The following CPLANE2 variants were observed in gnomAD, a reference collection of about 807,000 sequenced individuals.
The protein encoded by CPLANE2 is ciliogenesis and planar polarity effector 2.
CPLANE2 carries 24 observed loss-of-function variants against 20.9 expected under a neutral mutation model. The ratio of observed to expected loss-of-function variants is 1.15; its 90% CI spans 0.83 to 1.61. The LOEUF (loss-of-function observed/expected upper bound fraction) is 1.61, where lower values mean the gene tolerates loss of function less well. Ranked by LOEUF, CPLANE2 falls within the 40% of genes most tolerant of loss-of-function variation. CPLANE2 has a pLI of 0.00. For missense variants in CPLANE2, 330 were observed against 355.1 expected (o/e 0.93, Z 0.57); for synonymous variants, 132 against 144.3 (o/e 0.92, Z 0.61).
In CPLANE2 at chr1:16,233,773, AAG is replaced by A. The variant is rs1347017541; in HGVS notation, c.113-11_113-10del. The A allele has an allele frequency of 3.7e-6, 6 of 1,613,962 alleles. No homozygotes were observed. Among genetic ancestry groups the A allele is most frequent in the Non-Finnish European group, 4.2e-6 (5 of 1,179,904 alleles). Reference sequence around the variant, plus strand: ...TGGCCGCTCAAGCAGCCCTAGGGCAAAGAGAGAGCCAGGCAGGGTCAAGGGGT... The same window carrying A: ...TGGCCGCTCAAGCAGCCCTAGGGCAAAGAGAGCCAGGCAGGGTCAAGGGGT... On this transcript the variant is annotated splice_polypyrimidine_tract_variant and intron_variant, in intron 1 of 4. Coordinates refer to ENST00000375599, the MANE Select transcript of CPLANE2 (RefSeq NM_030907.4).
At position 16,232,292 on chromosome 1, in the gene CPLANE2, T is replaced by G; in HGVS notation, c.533A>C (p.Asp178Ala). 1 of 1,604,986 alleles carries G rather than the reference T, an allele frequency of 6.2e-7. No homozygotes were observed. Among genetic ancestry groups the G allele is most frequent in the Non-Finnish European group, 8.5e-7 (1 of 1,176,968 alleles). Residue 178 changes from aspartate to alanine, a missense_variant, in exon 5 of 5, where the codon GAC (aspartate) becomes GCC (alanine). Asp to Ala is a moderately radical substitution (Grantham distance 126). Coordinates refer to ENST00000375599, the MANE Select transcript of CPLANE2 (RefSeq NM_030907.4). ...VVRMVIGSKFDQYMHTDVPER... is the reference protein window; with the variant it reads ...VVRMVIGSKFAQYMHTDVPER... ...GGGCACGTCCGTGTGCATGTACTGG[T>G]CAAATCTGGAGGAGGGTCAAGGAGC...
chr1:16,233,570 G>A, intron 2 of CPLANE2, 42 bp downstream of exon 2: 1 of 1,608,806 alleles, frequency 6.2e-7, no homozygotes, highest in Non-Finnish European at 8.5e-7. Flanking sequence ...CACCCCCAAG[G>A]AGGGCCTCCC....
chr1:16,232,447 T>C (rs910393114), intron 4 of CPLANE2, 63 bp downstream of exon 4: 6 of 1,589,638 alleles, frequency 3.8e-6, no homozygotes, highest in Non-Finnish European at 5.1e-6. Context: ...ATTCCATGCC[T>C]GGGCAGAGGC....
In CPLANE2 at chr1:16,232,168, G is replaced by A. The variant is rs771994117; in HGVS notation, c.657C>T (p.Asp219=). 59 of 1,613,080 alleles carry A rather than the reference G, an allele frequency of 3.7e-5. No individual in the cohort carries two copies. Among genetic ancestry groups the A allele is most frequent in the African/African-American group, 6.7e-5 (5 of 74,926 alleles). Residue 219 remains aspartate, a synonymous_variant, in exon 5 of 5, where the codon GAC becomes GAT. Transcript: ENST00000375599. The part of the protein sequence containing the change: ...GRRLADGRTL[D]GRAGLADVAH... ...CAACGTCGGCCAGCCCAGCCCGCCC[G>A]TCCAGTGTGCGCCCATCAGCCAGCC...
Position 16,236,721 on chromosome 1 carries a change from C to G in CPLANE2, c.22G>C (p.Gly8Arg). The change falls in exon 1 of 5, where the codon GGT becomes CGT. Residue 8 changes from glycine to arginine, a missense_variant. Gly to Arg is a moderately radical substitution (Grantham distance 125, BLOSUM62 -2). Coordinates refer to ENST00000375599, the MANE Select transcript of CPLANE2 (RefSeq NM_030907.4). ...TGCCAGTTTGGGACAACCACCGAAC[C>G]GGGCACGGGAGGTCTGGCCATGGCT... MARPPVP[G>R]SVVVPNWHES... 2 of 1,557,546 alleles carry G rather than the reference C, an allele frequency of 1.3e-6. No individual in the cohort carries two copies. The highest frequency in any genetic ancestry group is 1.4e-5 in the African/African-American group (1 of 73,770).
chr1:16,233,695 G>A lies in CPLANE2; in HGVS notation c.182C>T (p.Ser61Phe). 1 of 1,614,164 alleles carries A rather than the reference G, an allele frequency of 6.2e-7. No homozygotes were observed. Among genetic ancestry groups the A allele is most frequent in the African/African-American group, 1.3e-5 (1 of 75,058 alleles). ...IDTASYKIFV[S>F]GKSGVGKTAL... is the part of the protein sequence containing the mutation. ...CGTCTTGCCCACACCACTCTTCCCG[G>A]ACACAAAGATCTTGTAGCTGGCAGT... The change falls in exon 2 of 5, where the codon TCC becomes TTC. Residue 61 changes from serine to phenylalanine, a missense_variant. Physicochemically the swap from Ser to Phe is radical, Grantham distance 155 (BLOSUM62 -2). Coordinates refer to ENST00000375599, the MANE Select transcript of CPLANE2 (RefSeq NM_030907.4).
At chr1:16,235,375 A>C (rs1027651354) in intron 1 of CPLANE2, among the ~76,000 whole-genome samples, 1 of 152,234 alleles carries the variant, frequency 6.6e-6, no homozygotes, top group Non-Finnish European at 1.5e-5. Context: ...TCTTCCACTC[A>C]ACACAACTAA....
intron 1 of CPLANE2, among the ~76,000 whole-genome samples, chr1:16,234,102 T>C (rs562215457): frequency 1.6e-4 from 25 of 152,264 alleles, no homozygotes; most frequent in African/African-American, 5.8e-4. Context: ...CTGTTCATTA[T>C]AAATTACACA....
intron 1 of CPLANE2, among the ~76,000 whole-genome samples, chr1:16,234,061 C>T (rs2081445535): frequency 6.6e-6 from 1 of 152,150 alleles, no homozygotes; most frequent in Admixed American, 6.5e-5. Context: ...TTAGACTTCC[C>T]AGCCTCCAGA....
rs1293982454 is a variant in CPLANE2, at chr1:16,232,186, A to G, written c.639T>C (p.Ala213=). 8 of 1,612,850 alleles carry G rather than the reference A, an allele frequency of 5.0e-6. No individual in the cohort carries two copies. In the South Asian group the frequency reaches 7.7e-5, roughly 16 times the overall value. The change falls in exon 5 of 5, where the codon GCT becomes GCC. Residue 213 remains alanine, a synonymous_variant. Coordinates refer to ENST00000375599, the MANE Select transcript of CPLANE2 (RefSeq NM_030907.4). ...CCCGCCCGTCCAGTGTGCGCCCATC[A>G]GCCAGCCGCCGCCCCGGCACACTCT... The part of the protein sequence containing the change: ...RVKSVPGRRL[A]DGRTLDGRAG...
Position 16,233,640 on chromosome 1 carries a change from C to T in CPLANE2, c.237G>A (p.Glu79=), listed in dbSNP as rs1315173071. 3.1e-6 allele frequency: 5 copies of T among 1,614,034 alleles called. 1 individual carries two copies. The highest frequency in any genetic ancestry group is 3.3e-4 in the Middle Eastern group (2 of 6,082). The part of the protein sequence containing the change: ...TALVAKLAGL[E]VPVVHHETTG... ...TGGTCTCGTGGTGCACCACAGGCAC[C>T]TCCAGGCCAGCCAGCTTGGCCACCA... The change falls in exon 2 of 5, where the codon GAG becomes GAA. Residue 79 remains glutamate (E), a synonymous_variant. Coordinates refer to ENST00000375599, the MANE Select transcript of CPLANE2 (RefSeq NM_030907.4).
chr1:16,232,391 C>A, intron 4 of CPLANE2, 94 bp from the exon 5 acceptor site: 1 of 1,528,868 alleles, frequency 6.5e-7, no homozygotes, highest in South Asian at 1.3e-5. Flanking sequence ...CACCCAGGAG[C>A]TGGGGTAGCC....
At chr1:16,235,335 C>G (rs2081456497) in intron 1 of CPLANE2, among the ~76,000 whole-genome samples, 1 of 152,184 alleles carries the variant, frequency 6.6e-6, no homozygotes, top group Non-Finnish European at 1.5e-5. Context: ...ATGATGTTCC[C>G]AGAAAATCAG....
chr1:16,234,909 A>G (rs762003980), intron 1 of CPLANE2, among the ~76,000 whole-genome samples: 11 of 151,662 alleles, frequency 7.3e-5, no homozygotes, highest in Non-Finnish European at 1.5e-4. Context: ...GTATTTTTAG[A>G]GATGGGGTTT....
At chr1:16,233,499 A>G in intron 2 of CPLANE2, 113 bp downstream of exon 2, 1 of 1,270,064 alleles carries the variant, frequency 7.9e-7, no homozygotes, top group Admixed American at 2.1e-5. Flanking sequence ...AGGCTCAGAG[A>G]CGTGAAGTGA....
chr1:16,231,719 T>G lies in CPLANE2; in HGVS notation c.*329A>C, dbSNP rs1399865576. 9.8e-6 allele frequency: 4 copies of G among 408,734 alleles called. No individual in the cohort carries two copies. The highest frequency in any genetic ancestry group is 1.8e-5 in the Non-Finnish European group (4 of 223,788). The allele number at this position is 408,734 out of a possible 1,614,324, so 25.3% of individuals were successfully genotyped here. ...CAGCACTGGGATTTCGGGGTTTATC[T>G]GTTACAACAGATGGTGTCACCTCAA... On this transcript the variant is annotated 3_prime_UTR_variant, in exon 5 of 5. Transcript: ENST00000375599.
intron 1 of CPLANE2, among the ~76,000 whole-genome samples, chr1:16,236,199 A>T (rs1045935650): frequency 4.6e-5 from 7 of 152,212 alleles, no homozygotes; most frequent in Non-Finnish European, 1.0e-4. Context: ...CATGGGGAAC[A>T]CCAGCGTCTC....
rs1444825182 is a variant in CPLANE2 at position 16,232,222 on chromosome 1, C to G, written c.603G>C (p.Leu201=). The change falls in exon 5 of 5, where the codon CTG becomes CTC. Residue 201 remains leucine (L), a synonymous_variant. Transcript: ENST00000375599. ...GCCCCGGCACACTCTTCACCCGTAG[C>G]AGGGGCAGCTCCCAGGCCTGCCGGA... ...TAFRQAWELP[L]LRVKSVPGRR... The G allele has an allele frequency of 1.1e-5, 17 of 1,612,286 alleles. No homozygotes were observed. The highest frequency in any genetic ancestry group is 1.4e-5 in the Non-Finnish European group (17 of 1,179,856).
chr1:16,234,419 A>G (rs1195114429), intron 1 of CPLANE2, among the ~76,000 whole-genome samples: 3 of 152,200 alleles, frequency 2.0e-5, no homozygotes, highest in Non-Finnish European at 4.4e-5. Context: ...AAATAAATAA[A>G]TAACTTAGAG....
Sources: gnomAD v4.1 joint callset for allele counts (sites outside exome capture counted in the v4.1 genomes callset) on GRCh38, gnomAD v4.1.1 for gene constraint, MANE v1.5 for transcripts, NCBI Gene and HGNC (gene_info 2026-07-23, HGNC 2026-07-21) for gene names.